SV2C: variants seen among roughly 807,000 people sequenced by gnomAD.
The protein encoded by SV2C is synaptic vesicle glycoprotein 2C.
SV2C carries 49 observed loss-of-function variants against 79.7 expected under a neutral mutation model. That is an observed-to-expected ratio of 0.61 (90% CI 0.49 to 0.78). SV2C has a LOEUF of 0.78. Ranked by LOEUF, SV2C falls within the 30% of genes least tolerant of loss-of-function variation. The probability of loss-of-function intolerance (pLI) is 0.00; values close to 1 mark genes in which losing one functional copy is unlikely to be tolerated. For missense variants in SV2C, 833 were observed against 912.9 expected (o/e 0.91, Z 1.13); for synonymous variants, 334 against 333.2 (o/e 1.00, Z -0.03).
Position 76,278,761 on chromosome 5 carries a change from C to T in SV2C, c.914-6401C>T, listed in dbSNP as rs144439613. Among the ~76,000 whole-genome samples the T allele has an allele frequency of 2.9e-3, 435 of 152,286 alleles. 2 individuals are homozygous for T. Among genetic ancestry groups the T allele is most frequent in the African/African-American group, 0.01 (419 of 41,562 alleles). On this transcript the variant is annotated intron_variant, in intron 4 of 12. Transcript: ENST00000502798. Reference sequence around the variant, plus strand: ...CAGTCTACATAGGCCTTAGGTGCCACGATGAGACATTTGGGTTTCATTCCA... The same window carrying T: ...CAGTCTACATAGGCCTTAGGTGCCATGATGAGACATTTGGGTTTCATTCCA...
chr5:76,092,525 G>T (rs1056128906), intron 1 of SV2C, among the ~76,000 whole-genome samples: 1 of 152,160 alleles, frequency 6.6e-6, no homozygotes, highest in African/African-American at 2.4e-5. Context: ...TTGAGCAGGG[G>T]CTGCTCATTG....
intron 12 of SV2C, among the ~76,000 whole-genome samples, chr5:76,341,091 T>G (rs1020899659): frequency 5.3e-5 from 8 of 152,038 alleles, no homozygotes; most frequent in African/African-American, 1.9e-4. Flanking sequence ...CCACCATGCC[T>G]AGCTAATTTT....
chr5:75,986,821 T>C, the SV2C span, among the ~76,000 whole-genome samples: 1 of 151,972 alleles, frequency 6.6e-6, no homozygotes, highest in African/African-American at 2.4e-5. Flanking sequence ...TTCAAGGATG[T>C]TTGTATAGTC....
At chr5:76,318,080 T>C (rs903937871) in intron 12 of SV2C, among the ~76,000 whole-genome samples, 1 of 125,574 alleles carries the variant, frequency 8.0e-6, no homozygotes, top group Non-Finnish European at 1.7e-5. Context: ...TATCCTCATT[T>C]TATCCAGAAT....
In SV2C at chr5:76,330,323, TCTTA is replaced by T. The variant is rs1280565850; in HGVS notation, c.*4781_*4784del. 1.3e-5 allele frequency: 2 copies of T among 152,288 alleles called. No individual in the cohort carries two copies. The highest frequency in any genetic ancestry group is 1.9e-4 in the East Asian group (1 of 5,186). 9.4% of individuals were successfully genotyped at this position (152,288 alleles called of 1,614,324 possible). On this transcript the variant is annotated 3_prime_UTR_variant, in exon 13 of 13. Coordinates refer to ENST00000502798, the MANE Select transcript of SV2C (RefSeq NM_014979.4). Reference sequence around the variant, plus strand: ...ATACAGTTTATGGGTCTGTTTCAGCTCTTACTTAAGGCTAGCATGGTTGGGCAGG... The same window carrying T: ...ATACAGTTTATGGGTCTGTTTCAGCTCTTAAGGCTAGCATGGTTGGGCAGG...
At chr5:76,031,807 C>T in the SV2C span, among the ~76,000 whole-genome samples, 1 of 152,156 alleles carries the variant, frequency 6.6e-6, no homozygotes, top group Non-Finnish European at 1.5e-5. Context: ...TCTGCTATCG[C>T]TATATTATTT....
the SV2C span, among the ~76,000 whole-genome samples, chr5:75,983,904 T>C: frequency 6.6e-6 from 1 of 152,142 alleles, no homozygotes; most frequent in East Asian, 1.9e-4. Context: ...TCTAATCCTT[T>C]ACTCAAACTG....
the SV2C span, among the ~76,000 whole-genome samples, chr5:75,878,973 C>A: frequency 6.6e-6 from 1 of 152,166 alleles, no homozygotes; most frequent in Non-Finnish European, 1.5e-5. Context: ...GAGGAGCAGG[C>A]AGCATCTCAC....
chr5:76,284,458 G>A (rs1374404907), intron 4 of SV2C, among the ~76,000 whole-genome samples: 1 of 152,128 alleles, frequency 6.6e-6, no homozygotes, highest in Non-Finnish European at 1.5e-5. Context: ...GTGGAAAGGT[G>A]TTTAGCGAAG....
At chr5:75,884,120 A>G in the SV2C span, among the ~76,000 whole-genome samples, 1 of 152,176 alleles carries the variant, frequency 6.6e-6, no homozygotes, top group Non-Finnish European at 1.5e-5. Flanking sequence ...GATTTTCTTC[A>G]GGAAGGTAAA....
chr5:76,335,414 C>CTT (rs869230352), downstream of SV2C, among the ~76,000 whole-genome samples: 1,942 of 98,036 alleles, frequency 0.02, 73 homozygotes, highest in Non-Finnish European at 0.025. Context: ...ACACATTTTC[C>CTT]TTTTTTTTTT....
chr5:76,310,740 A>G (rs1001290315), intron 12 of SV2C, among the ~76,000 whole-genome samples: 1 of 152,210 alleles, frequency 6.6e-6, no homozygotes, highest in African/African-American at 2.4e-5. Context: ...AAAGGCCTCC[A>G]TAGAAATAAC....
the SV2C span, among the ~76,000 whole-genome samples, chr5:76,037,133 G>C: frequency 6.6e-6 from 1 of 152,104 alleles, no homozygotes; most frequent in Admixed American, 6.5e-5. Flanking sequence ...GGTTATTCTA[G>C]TTATACCTTC....
the SV2C span, among the ~76,000 whole-genome samples, chr5:76,073,104 T>C: frequency 6.6e-6 from 1 of 152,216 alleles, no homozygotes. Context: ...TTAAGTCCCA[T>C]CTATTTATCT....
chr5:76,084,571 C>T (rs1471861664), intron 1 of SV2C, among the ~76,000 whole-genome samples: 1 of 23,476 alleles, frequency 4.3e-5, no homozygotes, highest in African/African-American at 2.1e-4. Context: ...AGGCGGCGCG[C>T]GGGGGCGGGG....
the SV2C span, among the ~76,000 whole-genome samples, chr5:75,909,955 C>T: frequency 2.0e-5 from 3 of 152,228 alleles, no homozygotes; most frequent in African/African-American, 7.2e-5. Flanking sequence ...TAAGTTTGTC[C>T]TGCCCAGTAA....
chr5:76,291,092 G>C, intron 6 of SV2C, 129 bp from the exon 7 acceptor site: 1 of 580,832 alleles, frequency 1.7e-6, no homozygotes, highest in Non-Finnish European at 3.1e-6. Flanking sequence ...ATATATGTAT[G>C]AACTGATTAC....
chr5:75,882,008 GTGT>G, the SV2C span, among the ~76,000 whole-genome samples: 1 of 149,696 alleles, frequency 6.7e-6, no homozygotes, highest in Non-Finnish European at 1.5e-5. Flanking sequence ...TTAGCATGAA[GTGT>G]TGTTGAATTT....
chr5:76,137,706 C>G (rs1213334476), intron 2 of SV2C, among the ~76,000 whole-genome samples: 4 of 152,128 alleles, frequency 2.6e-5, no homozygotes, highest in African/African-American at 9.7e-5. Context: ...AATCATATTA[C>G]AATCCTCTTA....
Sources: gnomAD v4.1 joint callset for allele counts (sites outside exome capture counted in the v4.1 genomes callset) on GRCh38, gnomAD v4.1.1 for gene constraint, MANE v1.5 for transcripts, NCBI Gene and HGNC (gene_info 2026-07-23, HGNC 2026-07-21) for gene names.